Variants in TAFA5 observed in about 807,000 individuals in gnomAD.
TAFA5 encodes chemokine-like protein TAFA-5.
In TAFA5, 6 loss-of-function variants were observed where a neutral mutation model predicts 15.3. The ratio of observed to expected loss-of-function variants is 0.39; its 90% CI spans 0.21 to 0.77. TAFA5 has a LOEUF of 0.77. Ranked by LOEUF, TAFA5 falls within the 30% of genes least tolerant of loss-of-function variation. The probability of loss-of-function intolerance (pLI) is 0.41; values close to 1 mark genes in which losing one functional copy is unlikely to be tolerated. For missense variants in TAFA5, 161 were observed against 193.1 expected (o/e 0.83, Z 0.98); for synonymous variants, 103 against 80.7 (o/e 1.28, Z -1.48).
At chr22:48,712,520 G>A (rs1929282973) in intron 3 of TAFA5, among the ~76,000 whole-genome samples, 1 of 152,208 alleles carries the variant, frequency 6.6e-6, no homozygotes, top group Admixed American at 6.5e-5. Flanking sequence ...CACGCGCCTG[G>A]GCACACAGGC....
chr22:48,666,333 T>C (rs891598858), intron 2 of TAFA5, among the ~76,000 whole-genome samples: 2 of 152,218 alleles, frequency 1.3e-5, no homozygotes, highest in African/African-American at 4.8e-5. Context: ...TTTTTGTCTG[T>C]GACTTCTTAA....
intron 1 of TAFA5, among the ~76,000 whole-genome samples, chr22:48,644,845 G>A (rs180876957): frequency 1.8e-4 from 27 of 152,298 alleles, no homozygotes; most frequent in Non-Finnish European, 3.4e-4. Flanking sequence ...CGTCCCTCAC[G>A]CACCCACCAC....
chr22:48,599,577 A>G (rs560126725), intron 1 of TAFA5, among the ~76,000 whole-genome samples: 78 of 152,360 alleles, frequency 5.1e-4, no homozygotes, highest in African/African-American at 1.7e-3. Context: ...GGGAGTGGAC[A>G]GGGCCTGATG....
chr22:48,623,337 T>G lies in TAFA5; in HGVS notation c.113-23260T>G, dbSNP rs9617473. 4.7e-5 allele frequency among the ~76,000 whole-genome samples: 2 copies of G among 42,492 alleles called. 1 individual carries two copies. The highest frequency in any genetic ancestry group is 2.1e-4 in the African/African-American group (2 of 9,714). 27.9% of individuals were successfully genotyped at this position (42,492 alleles called of 152,430 possible). A position where few individuals can be genotyped will look rare whatever the true frequency, so the allele number is the denominator to read the frequency against. On this transcript the variant is annotated intron_variant, in intron 1 of 3. Coordinates refer to ENST00000402357, the MANE Select transcript of TAFA5 (RefSeq NM_001082967.3). ...ACGGGACATGTCGCGTGGCCCTGCG[T>G]GGTGACCTGTGGGACGGGACGTGTC...
intron 1 of TAFA5, among the ~76,000 whole-genome samples, chr22:48,641,101 T>G (rs1457214782): frequency 1.4e-5 from 2 of 142,462 alleles, no homozygotes; most frequent in Non-Finnish European, 3.1e-5. Flanking sequence ...TGGGGGGCTG[T>G]TGGTGGGGGT....
chr22:48,657,183 A>G (rs1207971593), intron 2 of TAFA5, among the ~76,000 whole-genome samples: 1 of 152,214 alleles, frequency 6.6e-6, no homozygotes, highest in East Asian at 1.9e-4. Flanking sequence ...AAATTACCAC[A>G]TCATAAATAA....
At chr22:48,491,628 A>C (rs994807845) in intron 1 of TAFA5, among the ~76,000 whole-genome samples, 1 of 152,248 alleles carries the variant, frequency 6.6e-6, no homozygotes, top group African/African-American at 2.4e-5. Flanking sequence ...AGCGCGGTAC[A>C]CACTGTCTCA....
intron 1 of TAFA5, among the ~76,000 whole-genome samples, chr22:48,565,922 A>G (rs550218488): frequency 1.3e-5 from 2 of 152,158 alleles, no homozygotes; most frequent in African/African-American, 4.8e-5. Flanking sequence ...TGATAGGTAG[A>G]TGAGTAGATG....
At chr22:48,627,126 C>T (rs114548230) in intron 1 of TAFA5, among the ~76,000 whole-genome samples, 2,380 of 152,330 alleles carry the variant, frequency 0.016, 79 homozygotes, top group African/African-American at 0.055. Flanking sequence ...ATGATTTCCA[C>T]TCGGCTTGGC....
At chr22:48,561,386 T>A (rs1197150732) in intron 1 of TAFA5, among the ~76,000 whole-genome samples, 1 of 152,172 alleles carries the variant, frequency 6.6e-6, no homozygotes, top group Non-Finnish European at 1.5e-5. Context: ...ATGACAAGGC[T>A]GTTCCAGGGT....
At chr22:48,634,147 TA>T (rs1569056998) in intron 1 of TAFA5, among the ~76,000 whole-genome samples, 1 of 114,110 alleles carries the variant, frequency 8.8e-6, no homozygotes. Flanking sequence ...CTCACTCATT[TA>T]TTCACTCACT....
chr22:48,567,601 G>C (rs565623471), intron 1 of TAFA5, among the ~76,000 whole-genome samples: 2 of 152,268 alleles, frequency 1.3e-5, no homozygotes, highest in African/African-American at 4.8e-5. Context: ...CTGAGGAGAG[G>C]GGGGACAGGC....
chr22:48,742,321 T>C lies in TAFA5; in HGVS notation c.391-7518T>C, dbSNP rs1930203631. On this transcript the variant is annotated intron_variant, in intron 3 of 3. Transcript: ENST00000402357. This position sits in a 1 kb window ranked among gnomAD's most constrained non-coding sequence, Gnocchi z 6.2. ...AAAGAACTGACCCCCACGAGGATGG[T>C]CCTGGTGTTGAGAAACCTGCTTCAC... 6.6e-6 allele frequency among the ~76,000 whole-genome samples: 1 copy of C among 152,158 alleles called. No homozygotes were observed. Among genetic ancestry groups the C allele is most frequent in the Admixed American group, 6.5e-5 (1 of 15,278 alleles).
intron 1 of TAFA5, among the ~76,000 whole-genome samples, chr22:48,585,138 C>T (rs941045218): frequency 1.4e-4 from 19 of 131,338 alleles, no homozygotes; most frequent in African/African-American, 5.6e-4. Flanking sequence ...ATGCCACACA[C>T]AACAAAATAC....
chr22:48,676,947 C>G (rs1002901493), intron 2 of TAFA5, among the ~76,000 whole-genome samples: 1 of 152,206 alleles, frequency 6.6e-6, no homozygotes, highest in African/African-American at 2.4e-5. Context: ...TTTGAGCTGT[C>G]ATTACCACTG....
chr22:48,588,294 G>A (rs1480484091), intron 1 of TAFA5, among the ~76,000 whole-genome samples: 1 of 152,202 alleles, frequency 6.6e-6, no homozygotes. Flanking sequence ...CGCAGAGGGT[G>A]TGATCCTTGC....
At position 48,560,593 on chromosome 22, in the gene TAFA5, A is replaced by G. The variant is rs891349943; in HGVS notation, c.112+70889A>G. Among the ~76,000 whole-genome samples, 1 of 148,234 alleles carries G rather than the reference A, an allele frequency of 6.7e-6. No homozygotes were observed. Among genetic ancestry groups the G allele is most frequent in the Non-Finnish European group, 1.5e-5 (1 of 67,174 alleles). ...TTATTATTATTATTATTATTATTAT[A>G]TTATTATTATTAATTATTTATTTAT... is the stretch of plus-strand genomic sequence containing the variant. On this transcript the variant is annotated intron_variant, in intron 1 of 3. Transcript: ENST00000402357. The surrounding 1 kb of genome is among the most constrained non-coding windows in gnomAD (Gnocchi z 4.2).
Position 48,490,258 on chromosome 22 carries a change from G to T in TAFA5, c.112+554G>T, listed in dbSNP as rs1928099483. On this transcript the variant is annotated intron_variant, in intron 1 of 3. Transcript: ENST00000402357. This position sits in a 1 kb window ranked among gnomAD's most constrained non-coding sequence, Gnocchi z 5.8. ...TCAGGCGCCTTCTGGAAAGAGAAGC[G>T]AAGTGAGGGATGGGATGCCCGGAGG... Among the ~76,000 whole-genome samples the T allele has an allele frequency of 6.6e-6, 1 of 152,120 alleles. No individual in the cohort carries two copies. Among genetic ancestry groups the T allele is most frequent in the South Asian group, 2.1e-4 (1 of 4,830 alleles).
rs531681524 is a variant in TAFA5, at chr22:48,552,044, G to A, written c.112+62340G>A. ...CCGTTCAGCTCTGACTGTCCTCCCG[G>A]CAGGAAGCGTCCTCCAGTGCTCCCT... On this transcript the variant is annotated intron_variant, in intron 1 of 3. Transcript: ENST00000402357. The surrounding 1 kb of genome is among the most constrained non-coding windows in gnomAD (Gnocchi z 4.1). Among the ~76,000 whole-genome samples the A allele has an allele frequency of 3.3e-5, 5 of 152,318 alleles. No individual in the cohort carries two copies.
Sources: allele counts gnomAD v4.1 joint callset (sites outside exome capture counted in the v4.1 genomes callset), GRCh38; gene constraint gnomAD v4.1.1; non-coding constraint Gnocchi (gnomAD v3.1); transcripts MANE v1.5; gene names NCBI Gene and HGNC (gene_info 2026-07-23, HGNC 2026-07-21).